Variants in C9orf72 observed in about 807,000 individuals in gnomAD.
C9orf72 encodes C9orf72-SMCR8 complex subunit.
A neutral mutation model predicts 51.6 loss-of-function variants in C9orf72; 44 were observed. The observed-to-expected ratio is 0.85, with a 90% confidence interval of 0.67 to 1.10. C9orf72 has a LOEUF of 1.10. Among genes scored for constraint, C9orf72 ranks in the 50% least tolerant of loss-of-function variants. C9orf72 has a pLI of 0.00. For missense variants in C9orf72, 607 were observed against 570.6 expected (o/e 1.06, Z -0.65); for synonymous variants, 213 against 194.2 (o/e 1.10, Z -0.81).
intron 2 of C9orf72, 110 bp from the exon 3 acceptor site, chr9:27,565,700 T>C: frequency 1.4e-6 from 1 of 701,612 alleles, no homozygotes; most frequent in Non-Finnish European, 2.4e-6. Context: ...GAAAAATACT[T>C]TCTACTTTAG....
At position 27,556,594 on chromosome 9, in the gene C9orf72, A is replaced by T; in HGVS notation, c.1058T>A (p.Ile353Asn). ...TSEEDMAQDT[I>N]IYTDESFTPD... ...AGTAAAGCTTTCGTCAGTGTAGATG[A>T]TCGTATCCTGAGCCATGTCTTCTTC... Residue 353 changes from isoleucine (I) to asparagine (N), a missense_variant, in exon 8 of 11, where the codon ATC becomes AAC. By Grantham distance (149) the Ile-to-Asn change is moderately radical. Transcript: ENST00000380003. 6.2e-7 allele frequency: 1 copy of T among 1,613,094 alleles called. No homozygotes were observed. The highest frequency in any genetic ancestry group is 8.5e-7 in the Non-Finnish European group (1 of 1,179,478).
intron 3 of C9orf72, 101 bp from the exon 4 acceptor site, chr9:27,562,577 AAAAT>A (rs1587314308): frequency 2.0e-6 from 1 of 511,750 alleles, no homozygotes; most frequent in East Asian, 3.2e-5. Context: ...TTCTTTGATG[AAAAT>A]ACTTCGTAAT....
chr9:27,561,761 C>T lies in C9orf72; in HGVS notation c.601-112G>A, dbSNP rs1819355812. 5 of 618,904 alleles carry T rather than the reference C, an allele frequency of 8.1e-6. No individual in the cohort carries two copies. The South Asian group carries it at 1.0e-4, about 13-fold the overall frequency. 38.3% of individuals were successfully genotyped at this position (618,904 alleles called of 1,614,324 possible). A position where few individuals can be genotyped will look rare whatever the true frequency, so the allele number is the denominator to read the frequency against. Reference sequence around the variant, plus strand: ...TGGATTCAATATAACACACTGCCTTCATTTCCGAGAATCAAGACTCCCCAA... The same window carrying T: ...TGGATTCAATATAACACACTGCCTTTATTTCCGAGAATCAAGACTCCCCAA... On this transcript the variant is annotated intron_variant, in intron 4 of 10. Coordinates refer to ENST00000380003, the MANE Select transcript of C9orf72 (RefSeq NM_018325.5).
chr9:27,561,754 C>T, intron 4 of C9orf72, 105 bp from the exon 5 acceptor site: 1 of 648,054 alleles, frequency 1.5e-6, no homozygotes, highest in Non-Finnish European at 2.6e-6. Flanking sequence ...ATATAACACA[C>T]TGCCTTCATT....
intron 1 of C9orf72, among the ~76,000 whole-genome samples, chr9:27,568,251 A>T (rs748949228): frequency 6.6e-6 from 1 of 152,182 alleles, no homozygotes; most frequent in Non-Finnish European, 1.5e-5. Context: ...AAAGATAAAA[A>T]TATTTAATAT....
chr9:27,554,858 T>C (rs1820978281), intron 8 of C9orf72, among the ~76,000 whole-genome samples: 1 of 152,136 alleles, frequency 6.6e-6, no homozygotes, highest in South Asian at 2.1e-4. Flanking sequence ...GGATGCAAAA[T>C]TTAAAAATTC....
Position 27,547,732 on chromosome 9 carries a change from A to G in C9orf72, c.*504T>C, listed in dbSNP as rs1361750389. 4 of 152,610 alleles carry G rather than the reference A, an allele frequency of 2.6e-5. No individual in the cohort carries two copies. The highest frequency in any genetic ancestry group is 5.9e-5 in the Non-Finnish European group (4 of 68,042). The allele number at this position is 152,610 out of a possible 1,614,324, so 9.5% of individuals were successfully genotyped here. On this transcript the variant is annotated 3_prime_UTR_variant, in exon 11 of 11. Coordinates refer to ENST00000380003, the MANE Select transcript of C9orf72 (RefSeq NM_018325.5). ...CATCTGCTTGATCAATTTTCTTTCTAAAGCTCATCCTATGTTCAAGCTCAC... is the reference window on the plus strand; with the variant it reads ...CATCTGCTTGATCAATTTTCTTTCTGAAGCTCATCCTATGTTCAAGCTCAC...
At chr9:27,553,100 T>G (rs1209337605) in intron 8 of C9orf72, among the ~76,000 whole-genome samples, 6 of 152,114 alleles carry the variant, frequency 3.9e-5, no homozygotes, top group African/African-American at 1.4e-4. Context: ...ACATTCCATA[T>G]TCATAGATAG....
intron 7 of C9orf72, 72 bp from the exon 8 acceptor site, chr9:27,556,868 A>T: frequency 3.8e-6 from 4 of 1,056,720 alleles, no homozygotes. Context: ...TAATTTTAAA[A>T]AATGGTCTCT....
At chr9:27,558,876 T>G (rs886175863) in intron 6 of C9orf72, 11 of 278,038 alleles carry the variant, frequency 4.0e-5, no homozygotes, top group African/African-American at 2.0e-4. Flanking sequence ...ACTCTTCAGG[T>G]GAATTATATC....
At chr9:27,556,399 A>C (rs200925932) in intron 8 of C9orf72, 162 bp downstream of exon 8, 1 of 596,204 alleles carries the variant, frequency 1.7e-6, no homozygotes, top group East Asian at 2.8e-5. Flanking sequence ...TGGAAAAAGA[A>C]GAACATTTAA....
chr9:27,561,602 A>G lies in C9orf72; in HGVS notation c.648T>C (p.His216=), dbSNP rs149801256. ...ATTCTTACTTGAGAAGAAAGCCTTC[A>G]TGACAGCTGTCACCAATATCATCAT... ...LNDDDIGDSC[H]EGFLLNAISS... is the part of the protein sequence containing the mutation. The change falls in exon 5 of 11, where the codon CAT becomes CAC. Residue 216 remains histidine, a synonymous_variant. Transcript: ENST00000380003. 3.6e-5 allele frequency: 58 copies of G among 1,612,366 alleles called. No homozygotes were observed. Among genetic ancestry groups the G allele is most frequent in the Admixed American group, 6.7e-5 (4 of 59,818 alleles).
intron 7 of C9orf72, among the ~76,000 whole-genome samples, 180 bp from the exon 8 acceptor site, chr9:27,556,976 C>A (rs1819217319): frequency 6.6e-6 from 1 of 152,044 alleles, no homozygotes; most frequent in Admixed American, 6.6e-5. Context: ...GCATTGGTTT[C>A]AATAGCAAAA....
chr9:27,563,679 AT>A (rs1819401532), intron 3 of C9orf72, among the ~76,000 whole-genome samples: 1 of 152,138 alleles, frequency 6.6e-6, no homozygotes, highest in Non-Finnish European at 1.5e-5. Context: ...GAGAATTTAA[AT>A]GTGATGCTAC....
At chr9:27,566,365 T>C (rs1295194399) in intron 2 of C9orf72, among the ~76,000 whole-genome samples, 1 of 152,098 alleles carries the variant, frequency 6.6e-6, no homozygotes, top group African/African-American at 2.4e-5. Flanking sequence ...AATTGTGCAA[T>C]GAAAGGGAAA....
At chr9:27,558,695 T>A in intron 6 of C9orf72, 88 bp from the exon 7 acceptor site, 1 of 687,538 alleles carries the variant, frequency 1.5e-6, no homozygotes, top group Non-Finnish European at 2.5e-6. Flanking sequence ...TTAATTGTTA[T>A]TATCAATAAA....
intron 1 of C9orf72, among the ~76,000 whole-genome samples, 182 bp from the exon 2 acceptor site, chr9:27,567,346 T>TA (rs1431653311): frequency 6.6e-6 from 1 of 152,198 alleles, no homozygotes; most frequent in Non-Finnish European, 1.5e-5. Context: ...TGTTTGTTGA[T>TA]ATGATCATTT....
chr9:27,573,208 G>GCGCCGCCGCCGC (rs546630378), intron 1 of C9orf72, among the ~76,000 whole-genome samples: 225 of 151,912 alleles, frequency 1.5e-3, no homozygotes, highest in African/African-American at 5.1e-3. Context: ...CCTTGTCCCT[G>GCGCCGCCGCCGC]CGCCGCCGCC....
In C9orf72 at chr9:27,548,274, T is replaced by C. The variant is rs1563897575; in HGVS notation, c.1408A>G (p.Thr470Ala). 2.5e-6 allele frequency: 4 copies of C among 1,610,796 alleles called. No individual in the cohort carries two copies. The South Asian group carries it at 3.3e-5, about 13-fold the overall frequency. The change falls in exon 11 of 11, where the codon ACT (threonine) becomes GCT (alanine). Residue 470 changes from threonine to alanine, a missense_variant. Transcript: ENST00000380003. Reference sequence around the variant, plus strand: ...AGAACATCTCGTTCTTGCACACTAGTGTAGAAAGGTCTTCCAAAGATAAAA... The same window carrying C: ...AGAACATCTCGTTCTTGCACACTAGCGTAGAAAGGTCTTCCAAAGATAAAA... ...HSFIFGRPFYTSVQERDVLMT... is the reference protein window; with the variant it reads ...HSFIFGRPFYASVQERDVLMT...
Sources: allele counts gnomAD v4.1 joint callset (sites outside exome capture counted in the v4.1 genomes callset), GRCh38; gene constraint gnomAD v4.1.1; transcripts MANE v1.5; gene names NCBI Gene and HGNC (gene_info 2026-07-23, HGNC 2026-07-21).